The following ELF1 variants were observed in gnomAD, a reference collection of about 807,000 sequenced individuals.
The protein encoded by ELF1 is E74 like ETS transcription factor 1.
A neutral mutation model predicts 59.9 loss-of-function variants in ELF1; 24 were observed. That is an observed-to-expected ratio of 0.40 (90% CI 0.29 to 0.56). ELF1 has a LOEUF of 0.56. ELF1 is among the 20% of genes least tolerant of loss of function. The pLI, the probability that ELF1 is intolerant of heterozygous loss-of-function variation, is 0.44. For missense variants in ELF1, 627 were observed against 742.2 expected (o/e 0.84, Z 1.80); for synonymous variants, 248 against 266.2 (o/e 0.93, Z 0.67).
Position 40,949,928 on chromosome 13 carries a change from G to A in ELF1, c.407C>T (p.Pro136Leu). 6.2e-7 allele frequency: 1 copy of A among 1,613,612 alleles called. No individual in the cohort carries two copies. Among genetic ancestry groups the A allele is most frequent in the Non-Finnish European group, 8.5e-7 (1 of 1,179,806 alleles). Reference protein sequence around the residue: ...SSPEDDMVVAPVTHVSVTLDG... With the variant: ...SSPEDDMVVALVTHVSVTLDG... ...TAATGTGACGGACACATGGGTGACTGGGGCAACAACCATGTCATCTTCAGG... is the reference window on the plus strand; with the variant it reads ...TAATGTGACGGACACATGGGTGACTAGGGCAACAACCATGTCATCTTCAGG... The change falls in exon 5 of 9, where the codon CCA (proline) becomes CTA (leucine). Residue 136 changes from proline (P) to leucine (L), a missense_variant. Pro to Leu is a moderately conservative substitution (Grantham distance 98, BLOSUM62 -3). Around this residue, in one of 3 missense-constraint regions of ELF1, gnomAD observed 232 missense variants for 269.2 expected, o/e 0.86. Coordinates refer to ENST00000239882, the MANE Select transcript of ELF1 (RefSeq NM_172373.4).
At chr13:41,042,267 G>A (rs1876643007) in intron 1 of ELF1, among the ~76,000 whole-genome samples, 1 of 151,624 alleles carries the variant, frequency 6.6e-6, no homozygotes, top group Non-Finnish European at 1.5e-5. Flanking sequence ...GCCTGCCTGG[G>A]CCTCCCAAAG....
chr13:40,987,694 A>G (rs1873633511), intron 1 of ELF1, among the ~76,000 whole-genome samples: 1 of 152,186 alleles, frequency 6.6e-6, no homozygotes, highest in African/African-American at 2.4e-5. Flanking sequence ...ACCAGCTTAA[A>G]GCAATGACGT....
At chr13:41,003,814 T>C (rs569650916) in intron 1 of ELF1, among the ~76,000 whole-genome samples, 2 of 152,308 alleles carry the variant, frequency 1.3e-5, no homozygotes, top group Admixed American at 6.5e-5. Context: ...AATGGACCAA[T>C]ATGTTATCTC....
At chr13:41,004,253 G>A (rs576863873) in intron 1 of ELF1, among the ~76,000 whole-genome samples, 39 of 151,976 alleles carry the variant, frequency 2.6e-4, no homozygotes, top group Admixed American at 1.4e-3. Context: ...AAATACCTGT[G>A]AGAACCTGAA....
At chr13:41,022,075 A>ATATGTG (rs1875711693), upstream of ELF1, among the ~76,000 whole-genome samples, 1 of 152,224 alleles carries the variant, frequency 6.6e-6, no homozygotes, top group Non-Finnish European at 1.5e-5. Context: ...AGAAATGAAG[A>ATATGTG]TATGTGTCTA....
intron 8 of ELF1, among the ~76,000 whole-genome samples, chr13:40,935,644 G>GGTACA (rs1171803534): frequency 6.6e-6 from 1 of 151,712 alleles, no homozygotes; most frequent in African/African-American, 2.4e-5. Context: ...TGGGAGCCTG[G>GGTACA]GTACAGTACC....
chr13:40,951,925 G>C (rs1870881264), intron 3 of ELF1, among the ~76,000 whole-genome samples: 1 of 151,388 alleles, frequency 6.6e-6, no homozygotes, highest in African/African-American at 2.4e-5. Flanking sequence ...ATATTAAATA[G>C]CCAACCAGCA....
At chr13:41,055,647 G>A (rs1877260550) in intron 1 of ELF1, among the ~76,000 whole-genome samples, 2 of 151,924 alleles carry the variant, frequency 1.3e-5, no homozygotes, top group African/African-American at 4.8e-5. Flanking sequence ...GAACTAACTA[G>A]GAGCTGAAGT....
At chr13:40,947,412 C>T (rs1870572979) in intron 5 of ELF1, among the ~76,000 whole-genome samples, 1 of 152,194 alleles carries the variant, frequency 6.6e-6, no homozygotes, top group African/African-American at 2.4e-5. Flanking sequence ...TGTGGTGGCA[C>T]ATGCCTTTAA....
chr13:40,933,790 A>G lies in ELF1; in HGVS notation c.1495T>C (p.Leu499=), dbSNP rs746092397. The change falls in exon 9 of 9, where the codon TTG becomes CTG. Residue 499 remains leucine, a synonymous_variant. Coordinates refer to ENST00000239882, the MANE Select transcript of ELF1 (RefSeq NM_172373.4). ...QKAGSPPSIV[L]GPAQVQQVLT... ...ACCTGCTGAACCTGGGCAGGGCCCA[A>G]GACAATTGAAGGAGGAGAGCCCGCC... 5.6e-6 allele frequency: 9 copies of G among 1,614,270 alleles called. No individual in the cohort carries two copies. Among genetic ancestry groups the G allele is most frequent in the Non-Finnish European group, 6.8e-6 (8 of 1,180,040 alleles).
At chr13:41,041,226 T>C (rs976346498) in intron 1 of ELF1, among the ~76,000 whole-genome samples, 1 of 132,980 alleles carries the variant, frequency 7.5e-6, no homozygotes, top group African/African-American at 2.9e-5. Flanking sequence ...GAAGCACTTT[T>C]ACAGTAAGAA....
At chr13:41,005,620 C>T (rs1874702433) in intron 1 of ELF1, among the ~76,000 whole-genome samples, 1 of 152,056 alleles carries the variant, frequency 6.6e-6, no homozygotes, top group Non-Finnish European at 1.5e-5. Flanking sequence ...CAAACTATCT[C>T]TACTCCCTTC....
Position 40,981,987 on chromosome 13 carries a change from C to A in ELF1, c.68G>T (p.Arg23Leu). ...EFASNVMEDERQLGDPAIFPA... is the reference protein window; with the variant it reads ...EFASNVMEDELQLGDPAIFPA... Reference sequence around the variant, plus strand: ...AATTTTCTCTGAATCTCATACCTGTCGTTCATCCTCCATGACGTTACTAGC... The same window carrying A: ...AATTTTCTCTGAATCTCATACCTGTAGTTCATCCTCCATGACGTTACTAGC... The change falls in exon 2 of 9, where the codon CGA becomes CTA. Residue 23 changes from arginine to leucine, a missense_variant. Arg to Leu is a moderately radical substitution (Grantham distance 102). This residue lies in a region of ELF1 where 232 missense variants were observed against 269.2 expected (regional missense o/e 0.86). Transcript: ENST00000239882. 1 of 1,605,150 alleles carries A rather than the reference C, an allele frequency of 6.2e-7. No homozygotes were observed. The highest frequency in any genetic ancestry group is 8.5e-7 in the Non-Finnish European group (1 of 1,175,660).
exon 1 of ELF1, chr13:41,060,911 TGCTGCCGCCGCC>T (rs945209776): frequency 3.8e-5 from 10 of 264,450 alleles, no homozygotes; most frequent in Non-Finnish European, 5.7e-5. Flanking sequence ...CTGAAGCTGC[TGCTGCCGCCGCC>T]GCCGCCGCCG....
At chr13:41,037,030 C>T (rs993195744) in intron 1 of ELF1, among the ~76,000 whole-genome samples, 3 of 151,732 alleles carry the variant, frequency 2.0e-5, no homozygotes, top group Non-Finnish European at 4.4e-5. Context: ...GTGCAGCACA[C>T]CAACATGGCA....
chr13:40,967,370 C>T (rs1195214309), intron 2 of ELF1, among the ~76,000 whole-genome samples: 1 of 152,074 alleles, frequency 6.6e-6, no homozygotes, highest in East Asian at 1.9e-4. Flanking sequence ...AGTTATCCAG[C>T]CTCTCTAAGC....
At chr13:40,936,760 C>CAAAA (rs368388366) in intron 8 of ELF1, among the ~76,000 whole-genome samples, 1 of 77,128 alleles carries the variant, frequency 1.3e-5, no homozygotes, top group Non-Finnish European at 2.2e-5. Context: ...GACTCCGTCT[C>CAAAA]AAAAAAAAAA....
At chr13:40,983,743 T>C (rs1593378718) in intron 1 of ELF1, among the ~76,000 whole-genome samples, 1 of 152,302 alleles carries the variant, frequency 6.6e-6, no homozygotes, top group Non-Finnish European at 1.5e-5. Flanking sequence ...TTTGGCCTTG[T>C]ACTTATTATT....
At position 41,054,157 on chromosome 13, in the gene ELF1, G is replaced by A. The variant is rs1319902857; in HGVS notation, c.-229+6681C>T. ...CCAACCCTTCCATATGAAATTTCTA[G>A]AGCAAAGAAGTACCATCTAAAAACC... On this transcript the variant is annotated intron_variant, in intron 1 of 1. Coordinates refer to the ELF1 transcript ENST00000405737. 2.0e-5 allele frequency among the ~76,000 whole-genome samples: 3 copies of A among 152,156 alleles called. No individual in the cohort carries two copies. The East Asian group carries it at 5.8e-4, about 29-fold the overall frequency.
Sources: allele counts gnomAD v4.1 joint callset (sites outside exome capture counted in the v4.1 genomes callset), GRCh38; gene constraint gnomAD v4.1.1; regional missense constraint gnomAD v4.1.1; transcripts MANE v1.5; gene names NCBI Gene and HGNC (gene_info 2026-07-23, HGNC 2026-07-21).